Variants in MTMR1 observed in about 807,000 individuals in gnomAD.
MTMR1 encodes the protein myotubularin related protein 1, also known as phosphatidylinositol-3-phosphate phosphatase MTMR1.
In MTMR1, 17 loss-of-function variants were observed where a neutral mutation model predicts 51.6. The observed-to-expected ratio is 0.33, with a 90% CI of 0.23 to 0.49. The LOEUF (loss-of-function observed/expected upper bound fraction) is 0.49, where lower values mean the gene tolerates loss of function less well. Ranked by LOEUF, MTMR1 falls within the 20% of genes least tolerant of loss-of-function variation. MTMR1 has a pLI of 0.99. For synonymous variants in MTMR1, 201 were observed against 205.6 expected, an observed-to-expected ratio of 0.98 and a Z score of 0.19; for missense variants, 386 against 526.9, an observed-to-expected ratio of 0.73 and a Z score of 2.62.
At chrX:150,695,626 G>T (rs146635849) in intron 1 of MTMR1, among the ~76,000 whole-genome samples, 5,226 of 111,928 alleles carry the variant, frequency 0.047, 141 homozygotes, top group Middle Eastern at 0.11. Flanking sequence ...GTGGAGCAGG[G>T]TTAGAAAATA....
intron 2 of MTMR1, among the ~76,000 whole-genome samples, chrX:150,711,349 C>T (rs1298363510): frequency 1.8e-5 from 2 of 111,980 alleles, no homozygotes; most frequent in African/African-American, 6.5e-5. Flanking sequence ...CTGTATCATG[C>T]GATCTTATGC....
chrX:150,749,126 G>A (rs2042658598), intron 13 of MTMR1, among the ~76,000 whole-genome samples: 1 of 112,365 alleles, frequency 8.9e-6, no homozygotes, highest in South Asian at 3.7e-4. Context: ...AAGATGGAGA[G>A]AGAAGCAAAT....
intron 4 of MTMR1, among the ~76,000 whole-genome samples, chrX:150,725,426 C>T (rs1470196846): frequency 8.9e-6 from 1 of 111,875 alleles, no homozygotes; most frequent in Non-Finnish European, 1.9e-5. Context: ...GATTTTGTAT[C>T]CTGAAACTTT....
chrX:150,699,256 A>G lies in MTMR1; in HGVS notation c.208A>G (p.Ile70Val). The G allele has an allele frequency of 1.7e-6, 2 of 1,206,119 alleles. No individual in the cohort carries two copies. Among genetic ancestry groups the G allele is most frequent in the Non-Finnish European group, 2.2e-6 (2 of 891,980 alleles). Residue 70 changes from isoleucine (I) to valine (V), a missense_variant, in exon 2 of 16, where the codon ATT becomes GTT. Physicochemically the swap from Ile to Val is conservative, Grantham distance 29 (BLOSUM62 3). Transcript: ENST00000445323. Reference sequence around the variant, plus strand: ...TATAGCTGCTACAATTTCTAGTCAGATTTCAGGTTCAGTGACATCAGAAAA... The same window carrying G: ...TATAGCTGCTACAATTTCTAGTCAGGTTTCAGGTTCAGTGACATCAGAAAA... ...QLIAATISSQ[I>V]SGSVTSENVS...
intron 13 of MTMR1, among the ~76,000 whole-genome samples, chrX:150,748,654 CA>C (rs201735055): frequency 3.4e-5 from 3 of 88,866 alleles, no homozygotes; most frequent in Admixed American, 1.4e-4. Context: ...CTTGTCTTTA[CA>C]AAAAAAAAAC....
chrX:150,742,555 G>A (rs936915299), intron 12 of MTMR1, among the ~76,000 whole-genome samples: 1 of 111,216 alleles, frequency 9.0e-6, no homozygotes, highest in Non-Finnish European at 1.9e-5. Context: ...GGTGGCTCAC[G>A]CCTGTAATCC....
chrX:150,760,876 G>C (rs782757053), intron 15 of MTMR1, among the ~76,000 whole-genome samples: 7 of 107,311 alleles, frequency 6.5e-5, no homozygotes, highest in Middle Eastern at 4.8e-3. Context: ...GCAGTGAGCT[G>C]AGATCGTGCC....
chrX:150,712,366 G>T lies in MTMR1; in HGVS notation c.276+1G>T, dbSNP rs782797194. ...GGTTTTCAGGAGGCCTGATCTAAGG[G>T]TAAGGATATTTGGCTTTCAGCGGAT... On this transcript the variant is annotated splice_donor_variant, in intron 3 of 15. Transcript: ENST00000445323. LOFTEE classifies it high-confidence loss of function. 19 of 1,162,924 alleles carry T rather than the reference G, an allele frequency of 1.6e-5. No individual in the cohort carries two copies. The South Asian group carries it at 3.6e-4, about 22-fold the overall frequency.
At chrX:150,706,333 C>G (rs1455921118) in intron 2 of MTMR1, among the ~76,000 whole-genome samples, 1 of 111,993 alleles carries the variant, frequency 8.9e-6, no homozygotes, top group Non-Finnish European at 1.9e-5. Context: ...AGTGGCTGTA[C>G]CATTTTACAT....
intron 12 of MTMR1, among the ~76,000 whole-genome samples, chrX:150,743,957 A>G (rs1348238599): frequency 8.9e-6 from 1 of 112,170 alleles, no homozygotes; most frequent in African/African-American, 3.2e-5. Flanking sequence ...TTTCTGAAAA[A>G]TGGAAAAAAT....
chrX:150,727,845 T>C (rs2041990820), intron 6 of MTMR1, 54 bp downstream of exon 6: 10 of 904,885 alleles, frequency 1.1e-5, no homozygotes, highest in Non-Finnish European at 1.6e-5. Context: ...CTCTGAACTT[T>C]TTCTCCCTCA....
At chrX:150,724,474 T>C (rs1421782886) in intron 4 of MTMR1, among the ~76,000 whole-genome samples, 1 of 111,969 alleles carries the variant, frequency 8.9e-6, no homozygotes, top group Non-Finnish European at 1.9e-5. Context: ...AAATTCCTTA[T>C]AGATGCTGGA....
chrX:150,724,211 A>G (rs781989508), intron 4 of MTMR1, among the ~76,000 whole-genome samples: 51 of 110,975 alleles, frequency 4.6e-4, no homozygotes, highest in Non-Finnish European at 1.1e-4. Flanking sequence ...GTGTGTAAGC[A>G]TTCCCTTTTC....
intron 13 of MTMR1, 62 bp downstream of exon 13, chrX:150,744,515 C>A: frequency 1.1e-6 from 1 of 880,370 alleles, no homozygotes; most frequent in Non-Finnish European, 1.6e-6. Flanking sequence ...AAAGATTAAA[C>A]TATTATTGCT....
Position 150,762,642 on chromosome X carries a change from G to A in MTMR1, c.1935G>A (p.Arg645=). 2 of 1,210,982 alleles carry A rather than the reference G, an allele frequency of 1.7e-6. No homozygotes were observed. Among genetic ancestry groups the A allele is most frequent in the Non-Finnish European group, 2.2e-6 (2 of 895,117 alleles). Residue 645 remains arginine, a synonymous_variant, in exon 16 of 16, where the codon CGG becomes CGA. Coordinates refer to ENST00000445323, the MANE Select transcript of MTMR1 (RefSeq NM_001306144.3). ...ELQKRVEGLQ[R]EVATRAVSSS... The stretch of plus-strand genomic sequence containing the variant: ...AGAAGCGTGTGGAGGGCCTACAGCG[G>A]GAGGTGGCCACGCGCGCCGTCTCAT...
intron 3 of MTMR1, among the ~76,000 whole-genome samples, chrX:150,716,100 C>T (rs1234833717): frequency 8.9e-6 from 1 of 112,623 alleles, no homozygotes; most frequent in Non-Finnish European, 1.9e-5. Context: ...TTGATTAAAG[C>T]AGCTTGCTTT....
intron 15 of MTMR1, among the ~76,000 whole-genome samples, chrX:150,759,199 A>G (rs1431897982): frequency 1.8e-5 from 2 of 112,546 alleles, no homozygotes; most frequent in East Asian, 5.6e-4. Flanking sequence ...CTTGGGAACC[A>G]AAGCCTACAT....
At chrX:150,714,554 G>A (rs781990614) in intron 3 of MTMR1, 1 of 962,671 alleles carries the variant, frequency 1.0e-6, no homozygotes, top group South Asian at 2.0e-5. Context: ...GTGTTCATCT[G>A]TTTGTAGCTA....
chrX:150,736,450 C>A (rs1029299005), intron 10 of MTMR1, 145 bp from the exon 11 acceptor site: 5 of 472,802 alleles, frequency 1.1e-5, no homozygotes, highest in Non-Finnish European at 1.7e-5. Context: ...CTTTTTCCAG[C>A]AGCCCTAGGA....
Sources: allele counts gnomAD v4.1 joint callset (sites outside exome capture counted in the v4.1 genomes callset), GRCh38; gene constraint gnomAD v4.1.1; transcripts MANE v1.5; gene names NCBI Gene and HGNC (gene_info 2026-07-23, HGNC 2026-07-21).